Variants in JAM3 observed in about 807,000 individuals in gnomAD.
JAM3 encodes junctional adhesion molecule C.
In JAM3, 31 loss-of-function variants were observed where a neutral mutation model predicts 39.4. The observed-to-expected ratio is 0.79, with a 90% CI of 0.59 to 1.06. The LOEUF is 1.06. Ranked by LOEUF, JAM3 falls within the 50% of genes least tolerant of loss-of-function variation. The pLI is 0.00. For synonymous variants in JAM3, 182 were observed against 148.7 expected, an observed-to-expected ratio of 1.22 and a Z score of -1.63; for missense variants, 455 against 391.4, an observed-to-expected ratio of 1.16 and a Z score of -1.37.
intron 1 of JAM3, among the ~76,000 whole-genome samples, chr11:134,129,150 C>T (rs1476200525): frequency 2.7e-5 from 4 of 148,938 alleles, no homozygotes; most frequent in African/African-American, 7.5e-5. Context: ...GACAGAGTCT[C>T]GCTCTGTTGC....
chr11:134,107,609 C>T (rs934184634), intron 1 of JAM3, among the ~76,000 whole-genome samples: 4 of 151,980 alleles, frequency 2.6e-5, no homozygotes, highest in South Asian at 2.1e-4. Flanking sequence ...GACCTATATT[C>T]GAAAAGAAGA....
intron 1 of JAM3, among the ~76,000 whole-genome samples, chr11:134,110,869 T>A (rs1942295798): frequency 1.3e-5 from 2 of 151,938 alleles, no homozygotes; most frequent in African/African-American, 4.9e-5. Context: ...ATTGTTTTTT[T>A]AAAAGTCCAA....
At position 134,148,660 on chromosome 11, in the gene JAM3, A is replaced by G; in HGVS notation, c.826A>G (p.Lys276Glu). 1 of 1,614,164 alleles carries G rather than the reference A, an allele frequency of 6.2e-7. No individual in the cohort carries two copies. The highest frequency in any genetic ancestry group is 8.5e-7 in the Non-Finnish European group (1 of 1,180,044). The change falls in exon 7 of 9, where the codon AAA becomes GAA. Residue 276 changes from lysine to glutamate, a missense_variant. Transcript: ENST00000299106. ...AYRRGYFINN[K>E]QDGESYKNPG... ...CAGACGTGGCTACTTCATCAACAAT[A>G]AACAGGATGGAGAAAGGTGAGCCTG...
At chr11:134,132,701 C>T (rs1942790562) in intron 1 of JAM3, among the ~76,000 whole-genome samples, 3 of 152,142 alleles carry the variant, frequency 2.0e-5, no homozygotes, top group Non-Finnish European at 4.4e-5. Context: ...CATTTCCCCT[C>T]CCTATGCCAG....
chr11:134,142,163 T>C (rs1942986630), intron 3 of JAM3, among the ~76,000 whole-genome samples: 1 of 152,144 alleles, frequency 6.6e-6, no homozygotes, highest in Admixed American at 6.5e-5. Flanking sequence ...ACTTTCCTTT[T>C]CTGGGGATTA....
intron 1 of JAM3, among the ~76,000 whole-genome samples, chr11:134,104,367 G>A (rs1942140106): frequency 1.3e-5 from 2 of 152,166 alleles, no homozygotes; most frequent in African/African-American, 2.4e-5. Context: ...AGTGTGTAGA[G>A]GGAAATTTAT....
chr11:134,142,930 C>G (rs1473172253), intron 3 of JAM3, among the ~76,000 whole-genome samples: 2 of 152,162 alleles, frequency 1.3e-5, no homozygotes, highest in East Asian at 1.9e-4. Context: ...TGTGTCCGTA[C>G]TTCATTTCTT....
At chr11:134,147,284 T>A (rs905824511) in intron 6 of JAM3, among the ~76,000 whole-genome samples, 1 of 151,600 alleles carries the variant, frequency 6.6e-6, no homozygotes, top group Non-Finnish European at 1.5e-5. Context: ...CAAAACTCTG[T>A]GTCTACTAAA....
At chr11:134,118,899 A>T (rs1372615862) in intron 1 of JAM3, among the ~76,000 whole-genome samples, 1 of 151,586 alleles carries the variant, frequency 6.6e-6, no homozygotes, top group African/African-American at 2.4e-5. Flanking sequence ...CTTCTATTTA[A>T]GGTGGCTGCT....
At chr11:134,121,821 G>GCGCGCGCACACA (rs369702081) in intron 1 of JAM3, among the ~76,000 whole-genome samples, 25 of 148,418 alleles carry the variant, frequency 1.7e-4, no homozygotes, top group African/African-American at 6.2e-4. Flanking sequence ...GCATGTGTGC[G>GCGCGCGCACACA]CACACACACA....
chr11:134,146,797 T>A (rs1417835410), intron 6 of JAM3, among the ~76,000 whole-genome samples: 1 of 152,190 alleles, frequency 6.6e-6, no homozygotes, highest in Admixed American at 6.5e-5. Context: ...ACTCCTGGCC[T>A]CAAGCAATCC....
At chr11:134,121,589 A>G (rs1565496227) in intron 1 of JAM3, among the ~76,000 whole-genome samples, 2 of 152,184 alleles carry the variant, frequency 1.3e-5, no homozygotes, top group Admixed American at 1.3e-4. Context: ...CTCTATGTCA[A>G]ACTGGCTTCA....
chr11:134,106,523 A>C (rs1384737762), intron 1 of JAM3, among the ~76,000 whole-genome samples: 1 of 152,242 alleles, frequency 6.6e-6, no homozygotes, highest in African/African-American at 2.4e-5. Context: ...GCTTCTGCAC[A>C]GCAAAAGAAA....
intron 1 of JAM3, among the ~76,000 whole-genome samples, chr11:134,085,140 A>G (rs915958239): frequency 3.9e-5 from 6 of 152,192 alleles, no homozygotes; most frequent in Non-Finnish European, 8.8e-5. Context: ...GGCAGTGTGG[A>G]TGTGGTTGAA....
At chr11:134,132,231 T>C (rs973306639) in intron 1 of JAM3, among the ~76,000 whole-genome samples, 1 of 152,176 alleles carries the variant, frequency 6.6e-6, no homozygotes, top group Admixed American at 6.5e-5. Context: ...ATAAGCTGAA[T>C]TTTTACCAGA....
chr11:134,120,848 A>G (rs895421380), intron 1 of JAM3, among the ~76,000 whole-genome samples: 1 of 152,232 alleles, frequency 6.6e-6, no homozygotes, highest in African/African-American at 2.4e-5. Flanking sequence ...ACATTACCTC[A>G]ATATCTGTTA....
intron 1 of JAM3, among the ~76,000 whole-genome samples, chr11:134,084,753 T>C (rs1467906292): frequency 6.6e-6 from 1 of 152,192 alleles, no homozygotes; most frequent in Non-Finnish European, 1.5e-5. Context: ...AAGGAACCAC[T>C]TACAAGGCCC....
chr11:134,121,004 G>GAAA lies in JAM3; in HGVS notation c.77-18847_77-18846insAAA, dbSNP rs1387710121. ...CTCAACAATAGAGCTGTGTTTCTGT[G>GAAA]CACCAACCGCAGATGCTGGGTCTGG... On this transcript the variant is annotated intron_variant, in intron 1 of 8. Coordinates refer to ENST00000299106, the MANE Select transcript of JAM3 (RefSeq NM_032801.5). 1.6e-3 allele frequency among the ~76,000 whole-genome samples: 237 copies of GAAA among 152,352 alleles called. 1 individual carries two copies. Among genetic ancestry groups the GAAA allele is most frequent in the Admixed American group, 2.7e-3 (42 of 15,296 alleles).
At chr11:134,105,745 G>A (rs28796421) in intron 1 of JAM3, among the ~76,000 whole-genome samples, 3,763 of 151,958 alleles carry the variant, frequency 0.025, 157 homozygotes, top group African/African-American at 0.085. Context: ...ACTCCCATTC[G>A]CAATTGCTTC....
Sources: gnomAD v4.1 joint callset for allele counts (sites outside exome capture counted in the v4.1 genomes callset) on GRCh38, gnomAD v4.1.1 for gene constraint, MANE v1.5 for transcripts, NCBI Gene and HGNC (gene_info 2026-07-23, HGNC 2026-07-21) for gene names.